Variants in JADE3 observed in about 807,000 individuals in gnomAD.
JADE3 encodes jade family PHD finger 3.
In JADE3, 2 loss-of-function variants were observed where a neutral mutation model predicts 50.1. The ratio of observed to expected loss-of-function variants is 0.04; its 90% CI spans 0.02 to 0.13. JADE3 has a LOEUF of 0.13. JADE3 is among the 10% of genes least tolerant of loss of function. The probability of loss-of-function intolerance (pLI) is 1.00; values close to 1 mark genes in which losing one functional copy is unlikely to be tolerated. For synonymous variants in JADE3, 218 were observed against 232.9 expected (o/e 0.94, Z 0.58); for missense variants, 475 against 634.4 (o/e 0.75, Z 2.70).
intron 4 of JADE3, among the ~76,000 whole-genome samples, chrX:47,002,335 T>C (rs1252579903): frequency 1.8e-5 from 2 of 111,754 alleles, no homozygotes; most frequent in Non-Finnish European, 3.8e-5. Flanking sequence ...CTTCCCACTT[T>C]ATTCATTTTT....
intron 7 of JADE3, among the ~76,000 whole-genome samples, chrX:47,038,552 G>A (rs1775347921): frequency 9.3e-6 from 1 of 107,817 alleles, no homozygotes; most frequent in African/African-American, 3.4e-5. Context: ...TGTGGTAGAG[G>A]CTGTGGTGGG....
chrX:46,925,204 C>T (rs916052205), intron 1 of JADE3, among the ~76,000 whole-genome samples: 18 of 112,312 alleles, frequency 1.6e-4, no homozygotes, highest in Admixed American at 4.7e-4. Context: ...TTCTTGACAT[C>T]CTCCTCCTAT....
intron 4 of JADE3, among the ~76,000 whole-genome samples, chrX:47,023,431 C>T (rs1928840604): frequency 9.0e-6 from 1 of 111,659 alleles, no homozygotes; most frequent in Non-Finnish European, 1.9e-5. Flanking sequence ...CATGTCCCTG[C>T]AAAGGACATG....
chrX:47,016,262 C>T (rs1448272110), intron 4 of JADE3, among the ~76,000 whole-genome samples: 1 of 111,625 alleles, frequency 9.0e-6, no homozygotes, highest in Non-Finnish European at 1.9e-5. Flanking sequence ...TTGGTGAACA[C>T]CTCGCACTTC....
chrX:47,030,790 G>A (rs782219093), intron 6 of JADE3, among the ~76,000 whole-genome samples: 2 of 111,423 alleles, frequency 1.8e-5, no homozygotes, highest in South Asian at 3.8e-4. Context: ...GGTGGCTCAC[G>A]CCTGTAATCC....
intron 3 of JADE3, among the ~76,000 whole-genome samples, chrX:46,992,321 G>A (rs1928033131): frequency 1.0e-5 from 1 of 97,129 alleles, no homozygotes; most frequent in Non-Finnish European, 2.0e-5. Flanking sequence ...CAGCTTCCCT[G>A]TGTGAGCCTA....
chrX:47,013,800 C>T (rs782185124), intron 4 of JADE3, among the ~76,000 whole-genome samples: 4 of 112,116 alleles, frequency 3.6e-5, no homozygotes, highest in East Asian at 2.8e-4. Flanking sequence ...TAGCAAAAGA[C>T]GTTCTGGTAA....
chrX:46,951,550 G>A (rs1927003751), intron 1 of JADE3, among the ~76,000 whole-genome samples: 1 of 92,066 alleles, frequency 1.1e-5, no homozygotes, highest in African/African-American at 4.0e-5. Flanking sequence ...TTGCACCACT[G>A]CACTCCAGCC....
chrX:46,922,813 A>G (rs946589292), intron 1 of JADE3, among the ~76,000 whole-genome samples: 2 of 111,688 alleles, frequency 1.8e-5, no homozygotes, highest in East Asian at 5.5e-4. Flanking sequence ...GATAGTCTCA[A>G]CATCTGCATT....
Position 46,941,196 on chromosome X carries a change from C to G in JADE3, c.-12+28477C>G, listed in dbSNP as rs571276981. ...GTATTTGGTTTTCTGTATTAATTCA[C>G]TTAGGATAATGGCCTCCAGCTGCAT... On this transcript the variant is annotated intron_variant, in intron 1 of 10. Coordinates refer to ENST00000614628, the MANE Select transcript of JADE3 (RefSeq NM_014735.5). Among the ~76,000 whole-genome samples the G allele has an allele frequency of 6.3e-5, 7 of 111,106 alleles. No homozygotes were observed. The South Asian group carries it at 2.7e-3, about 42-fold the overall frequency.
chrX:47,045,842 CA>C (rs782659514), intron 8 of JADE3, among the ~76,000 whole-genome samples: 6,189 of 87,073 alleles, frequency 0.071, 455 homozygotes, highest in African/African-American at 0.23. Flanking sequence ...TGTCTTGAAA[CA>C]AAAAAAAAAA....
At chrX:46,950,262 A>G (rs1314168335) in intron 1 of JADE3, among the ~76,000 whole-genome samples, 2 of 111,927 alleles carry the variant, frequency 1.8e-5, no homozygotes, top group African/African-American at 6.5e-5. Context: ...TATTTCCATC[A>G]CGCTAATAAA....
At chrX:46,975,719 T>TC (rs1162163544) in intron 1 of JADE3, among the ~76,000 whole-genome samples, 33 of 59,159 alleles carry the variant, frequency 5.6e-4, no homozygotes, top group Middle Eastern at 7.8e-3. Flanking sequence ...TTTTTCTTTT[T>TC]TTTTTTTTTT....
At position 47,024,577 on chromosome X, in the gene JADE3, C is replaced by T; in HGVS notation, c.285-147C>T. On this transcript the variant is annotated intron_variant, in intron 4 of 10. Transcript: ENST00000614628. ...ATATTGTAAGCAGTCAGTGAGTTAA[C>T]AGCACATGACAAAACTAAATTTGTA... The T allele has an allele frequency of 1.3e-5, 5 of 390,419 alleles. No homozygotes were observed. The South Asian group carries it at 2.9e-4, about 22-fold the overall frequency. The allele number at this position is 390,419 out of a possible 1,213,427, so 32.2% of individuals were successfully genotyped here. A position where few individuals can be genotyped will look rare whatever the true frequency, so the allele number is the denominator to read the frequency against.
intron 10 of JADE3, among the ~76,000 whole-genome samples, chrX:47,057,932 GA>G (rs782520881): frequency 9.0e-6 from 1 of 111,534 alleles, no homozygotes; most frequent in East Asian, 2.8e-4. Context: ...CAGACTGAAA[GA>G]GCAGAGGTGA....
chrX:46,986,535 G>T (rs1927867645), intron 3 of JADE3, among the ~76,000 whole-genome samples: 1 of 112,451 alleles, frequency 8.9e-6, no homozygotes, highest in Non-Finnish European at 1.9e-5. Flanking sequence ...GAACTGGGAA[G>T]GACCTAGAGA....
At chrX:47,012,158 ATT>A (rs1293408559) in intron 4 of JADE3, among the ~76,000 whole-genome samples, 2 of 111,990 alleles carry the variant, frequency 1.8e-5, no homozygotes, top group African/African-American at 3.2e-5. Context: ...CAGTCTTTTT[ATT>A]GAGTCATAAG....
chrX:46,940,953 T>G (rs1926738849), intron 1 of JADE3, among the ~76,000 whole-genome samples: 1 of 111,633 alleles, frequency 9.0e-6, no homozygotes, highest in African/African-American at 3.3e-5. Flanking sequence ...CAGCTTTTAT[T>G]TTAGATTGAG....
chrX:47,003,618 T>A (rs1469077926), intron 4 of JADE3, among the ~76,000 whole-genome samples: 1 of 101,755 alleles, frequency 9.8e-6, no homozygotes, highest in Non-Finnish European at 2.0e-5. Flanking sequence ...TGTATATATA[T>A]AAATTTATAT....
Sources: allele counts gnomAD v4.1 joint callset (sites outside exome capture counted in the v4.1 genomes callset), GRCh38; gene constraint gnomAD v4.1.1; transcripts MANE v1.5; gene names NCBI Gene and HGNC (gene_info 2026-07-23, HGNC 2026-07-21).